Variants in PPP1R9A observed in about 807,000 individuals in gnomAD.
The protein encoded by PPP1R9A is neurabin-1.
Under a neutral mutation model 141.9 loss-of-function variants are expected in PPP1R9A, and 59 were observed. The observed-to-expected ratio is 0.42, with a 90% CI of 0.34 to 0.52. The LOEUF (loss-of-function observed/expected upper bound fraction) is 0.52. Ranked by LOEUF, PPP1R9A falls within the 20% of genes least tolerant of loss-of-function variation. PPP1R9A has a pLI of 0.10. For synonymous variants in PPP1R9A, 500 were observed against 569.7 expected, an observed-to-expected ratio of 0.88 and a Z score of 1.74; for missense variants, 1,444 against 1,611.9, an observed-to-expected ratio of 0.90 and a Z score of 1.78.
intron 2 of PPP1R9A, among the ~76,000 whole-genome samples, chr7:94,966,351 G>C (rs866963855): frequency 6.6e-6 from 1 of 152,062 alleles, no homozygotes. Context: ...TTCCAATACT[G>C]TGTTGAATAG....
intron 2 of PPP1R9A, among the ~76,000 whole-genome samples, chr7:94,923,659 C>CT: frequency 6.6e-6 from 1 of 152,234 alleles, no homozygotes; most frequent in Non-Finnish European, 1.5e-5. Context: ...TATGGTTAGA[C>CT]TATATGGTAG....
At chr7:95,233,057 G>T (rs1796192541) in intron 8 of PPP1R9A, among the ~76,000 whole-genome samples, 1 of 152,086 alleles carries the variant, frequency 6.6e-6, no homozygotes, top group Non-Finnish European at 1.5e-5. Context: ...CTACTATAAA[G>T]ACACATGCAC....
chr7:95,290,319 A>T lies in PPP1R9A; in HGVS notation c.*16A>T, dbSNP rs767564933. ...TGAGCAGTAACACATACCCTCTTAC[A>T]GATGATGGAGATGCTCCAAGAGAAG... On this transcript the variant is annotated 3_prime_UTR_variant, in exon 20 of 20. Coordinates refer to ENST00000433360, the MANE Select transcript of PPP1R9A (RefSeq NM_001166160.2). The T allele has an allele frequency of 5.6e-6, 9 of 1,594,112 alleles. No homozygotes were observed. Among genetic ancestry groups the T allele is most frequent in the Non-Finnish European group, 7.7e-6 (9 of 1,170,050 alleles).
At chr7:95,275,107 C>G (rs1428858175) in intron 16 of PPP1R9A, among the ~76,000 whole-genome samples, 1 of 152,002 alleles carries the variant, frequency 6.6e-6, no homozygotes, top group Non-Finnish European at 1.5e-5. Context: ...TCATTTGATC[C>G]TTATAGGATT....
chr7:95,009,902 G>T (rs1804173772), intron 2 of PPP1R9A, among the ~76,000 whole-genome samples: 1 of 152,066 alleles, frequency 6.6e-6, no homozygotes, highest in South Asian at 2.1e-4. Context: ...GGTTTTGTAG[G>T]CTTGAGCAGC....
chr7:95,068,898 A>G (rs1813362675), intron 2 of PPP1R9A, among the ~76,000 whole-genome samples: 1 of 152,190 alleles, frequency 6.6e-6, no homozygotes, highest in Non-Finnish European at 1.5e-5. Flanking sequence ...CAAGGGAATT[A>G]CAATAGAGAA....
intron 4 of PPP1R9A, among the ~76,000 whole-genome samples, chr7:95,153,672 A>G (rs1038333972): frequency 2.6e-5 from 4 of 152,234 alleles, no homozygotes; most frequent in East Asian, 3.8e-4. Flanking sequence ...TTTATGTGGT[A>G]CATGTGATAT....
intron 2 of PPP1R9A, among the ~76,000 whole-genome samples, chr7:95,034,228 A>G (rs2151839286): frequency 6.6e-6 from 1 of 152,244 alleles, no homozygotes; most frequent in South Asian, 2.1e-4. Context: ...GTCCTTTGCT[A>G]GCTGTAGTCC....
At chr7:94,919,668 G>C (rs1191576497) in intron 2 of PPP1R9A, among the ~76,000 whole-genome samples, 1 of 151,852 alleles carries the variant, frequency 6.6e-6, no homozygotes, top group Non-Finnish European at 1.5e-5. Flanking sequence ...TCAATATTTC[G>C]ATATAGATTT....
chr7:94,971,606 C>T (rs1043515103), intron 2 of PPP1R9A, among the ~76,000 whole-genome samples: 1 of 152,144 alleles, frequency 6.6e-6, no homozygotes, highest in Non-Finnish European at 1.5e-5. Context: ...AAATTATGTA[C>T]CTTTGGAACC....
chr7:95,188,598 T>G (rs1474060579), intron 5 of PPP1R9A, among the ~76,000 whole-genome samples: 1 of 116,104 alleles, frequency 8.6e-6, no homozygotes, highest in Non-Finnish European at 1.7e-5. Flanking sequence ...GTGTTGTGTT[T>G]TGTTTTTTTT....
intron 2 of PPP1R9A, among the ~76,000 whole-genome samples, chr7:95,066,777 A>C (rs1813006674): frequency 6.6e-6 from 1 of 152,182 alleles, no homozygotes. Context: ...GAGGAAAAGG[A>C]AGTGAAATTA....
chr7:95,266,750 G>A (rs1801356384), intron 12 of PPP1R9A, among the ~76,000 whole-genome samples: 1 of 152,092 alleles, frequency 6.6e-6, no homozygotes, highest in Admixed American at 6.6e-5. Context: ...AAACGTGCAA[G>A]TACTACATAC....
chr7:94,956,436 CAA>C (rs974738974), intron 2 of PPP1R9A, among the ~76,000 whole-genome samples: 1 of 152,056 alleles, frequency 6.6e-6, no homozygotes, highest in African/African-American at 2.4e-5. Context: ...TTTATCTAAA[CAA>C]ATGGATTATT....
At chr7:95,135,073 A>G (rs547022224) in intron 4 of PPP1R9A, among the ~76,000 whole-genome samples, 1 of 152,208 alleles carries the variant, frequency 6.6e-6, no homozygotes, top group South Asian at 2.1e-4. Context: ...TCTTAACATC[A>G]ACCTATTTTA....
At chr7:95,238,064 G>A (rs1287175837) in intron 8 of PPP1R9A, among the ~76,000 whole-genome samples, 8 of 152,026 alleles carry the variant, frequency 5.3e-5, no homozygotes, top group South Asian at 2.1e-4. Flanking sequence ...AATATATAAA[G>A]CAGATCAATA....
intron 2 of PPP1R9A, among the ~76,000 whole-genome samples, chr7:94,919,301 A>ATTTTTTT (rs757456894): frequency 4.7e-5 from 5 of 106,200 alleles, no homozygotes; most frequent in Admixed American, 2.2e-4. Flanking sequence ...GGATAATTAC[A>ATTTTTTT]TTTTTTTTTT....
chr7:95,203,641 A>G, intron 6 of PPP1R9A, 24 bp from the exon 7 acceptor site: 1 of 1,526,106 alleles, frequency 6.6e-7, no homozygotes, highest in Non-Finnish European at 8.8e-7. Flanking sequence ...AGCCTTCTTT[A>G]ATATTTTTTG....
intron 2 of PPP1R9A, among the ~76,000 whole-genome samples, chr7:94,940,090 A>G (rs1795177247): frequency 6.6e-6 from 1 of 152,092 alleles, no homozygotes; most frequent in South Asian, 2.1e-4. Flanking sequence ...TCTATGGAAA[A>G]GAATTTGAAC....
Sources: gnomAD v4.1 joint callset for allele counts (sites outside exome capture counted in the v4.1 genomes callset) on GRCh38, gnomAD v4.1.1 for gene constraint, MANE v1.5 for transcripts, NCBI Gene and HGNC (gene_info 2026-07-23, HGNC 2026-07-21) for gene names.